CHRM5: variants seen among roughly 807,000 people sequenced by gnomAD.
CHRM5 encodes the protein muscarinic acetylcholine receptor M5.
CHRM5 carries 18 observed loss-of-function variants against 39.0 expected under a neutral mutation model. The observed-to-expected ratio is 0.46, with a 90% CI of 0.32 to 0.68. The LOEUF (loss-of-function observed/expected upper bound fraction) is 0.68, where lower values mean the gene tolerates loss of function less well. CHRM5 is among the 30% of genes least tolerant of loss of function. The pLI is 0.04. For synonymous variants in CHRM5, 241 were observed against 246.3 expected (o/e 0.98, Z 0.20); for missense variants, 515 against 651.1 (o/e 0.79, Z 2.28).
chr15:33,975,305 T>C (rs923794574), intron 1 of CHRM5, among the ~76,000 whole-genome samples: 2 of 152,204 alleles, frequency 1.3e-5, no homozygotes, highest in Non-Finnish European at 2.9e-5. Context: ...TACTCTAACC[T>C]AAAACTCCTG....
chr15:34,056,144 G>C (rs994190558), intron 2 of CHRM5, among the ~76,000 whole-genome samples: 1 of 152,202 alleles, frequency 6.6e-6, no homozygotes, highest in African/African-American at 2.4e-5. Flanking sequence ...GTTAAGAATA[G>C]AAGAAAGTTG....
intron 1 of CHRM5, among the ~76,000 whole-genome samples, chr15:33,994,515 T>C (rs1275920261): frequency 6.6e-6 from 1 of 152,222 alleles, no homozygotes; most frequent in African/African-American, 2.4e-5. Context: ...ATCCTCACCC[T>C]GGTCTGTGGA....
chr15:33,980,023 G>GA (rs1185959987), intron 1 of CHRM5, among the ~76,000 whole-genome samples: 2 of 151,640 alleles, frequency 1.3e-5, no homozygotes, highest in Non-Finnish European at 2.9e-5. Flanking sequence ...GATTGTAAAG[G>GA]AAAAAAAAGA....
chr15:34,029,118 C>T (rs1225598547), intron 1 of CHRM5, among the ~76,000 whole-genome samples: 2 of 152,254 alleles, frequency 1.3e-5, no homozygotes, highest in East Asian at 3.9e-4. Context: ...CATTCTCAGG[C>T]TTCCACAGCA....
At chr15:34,058,555 AACACACACACACACAC>A (rs3027963) in intron 2 of CHRM5, among the ~76,000 whole-genome samples, 3 of 143,178 alleles carry the variant, frequency 2.1e-5, no homozygotes, top group African/African-American at 5.2e-5. Flanking sequence ...CTTTAATTCT[AACACACACACACACAC>A]ACACACACAC....
chr15:33,978,653 ACT>A (rs1180505704), intron 1 of CHRM5, among the ~76,000 whole-genome samples: 1 of 151,970 alleles, frequency 6.6e-6, no homozygotes, highest in African/African-American at 2.4e-5. Context: ...ACAGAGTGAG[ACT>A]CTGTTTCAAA....
intron 1 of CHRM5, among the ~76,000 whole-genome samples, chr15:33,992,661 G>C (rs989374988): frequency 3.5e-4 from 1 of 2,828 alleles, no homozygotes; most frequent in African/African-American, 4.5e-4. Context: ...TACCATACAA[G>C]AAGAGGGAAA....
chr15:33,976,028 T>C (rs1895872021), intron 1 of CHRM5, among the ~76,000 whole-genome samples: 1 of 152,198 alleles, frequency 6.6e-6, no homozygotes, highest in Non-Finnish European at 1.5e-5. Context: ...TTGTCCTGAG[T>C]TGTTTCCAGG....
chr15:34,057,218 C>T (rs668922), intron 2 of CHRM5, among the ~76,000 whole-genome samples: 95,158 of 150,284 alleles, frequency 0.63, 31,905 homozygotes, highest in South Asian at 0.77. Flanking sequence ...ACTGCAGCAA[C>T]CTCGGCTTCC....
intron 1 of CHRM5, among the ~76,000 whole-genome samples, chr15:34,013,157 G>T (rs1224491620): frequency 6.6e-6 from 1 of 152,104 alleles, no homozygotes; most frequent in African/African-American, 2.4e-5. Flanking sequence ...TGCCTCCTGG[G>T]TTCAAGCGAT....
At chr15:34,060,877 G>C (rs1900310717) in intron 2 of CHRM5, among the ~76,000 whole-genome samples, 1 of 151,974 alleles carries the variant, frequency 6.6e-6, no homozygotes. Context: ...TTAGCCGGGC[G>C]TGGTGGCAGG....
chr15:34,000,516 A>G (rs966226433), intron 1 of CHRM5, among the ~76,000 whole-genome samples: 11 of 152,340 alleles, frequency 7.2e-5, no homozygotes, highest in Admixed American at 1.3e-4. Context: ...AAAGTTTATG[A>G]TTGCACACCT....
intron 1 of CHRM5, among the ~76,000 whole-genome samples, chr15:34,021,577 G>A (rs55805034): frequency 0.48 from 72,517 of 152,082 alleles, 20,686 homozygotes; most frequent in Non-Finnish European, 0.64. Flanking sequence ...ACACATGGCC[G>A]TGTAAGGTGG....
chr15:33,990,503 C>G (rs7184003), intron 1 of CHRM5, among the ~76,000 whole-genome samples: 33,519 of 152,200 alleles, frequency 0.22, 4,203 homozygotes, highest in Middle Eastern at 0.41. Context: ...TGGAATACAA[C>G]TTAAACTCAG....
intron 1 of CHRM5, among the ~76,000 whole-genome samples, chr15:33,998,945 G>A (rs575428049): frequency 6.6e-6 from 1 of 152,250 alleles, no homozygotes; most frequent in South Asian, 2.1e-4. Context: ...TCACCCAAAT[G>A]TATTATTGCC....
chr15:34,063,012 G>A lies in CHRM5; in HGVS notation c.295G>A (p.Gly99Arg), dbSNP rs1567494122. 1.2e-6 allele frequency: 2 copies of A among 1,614,168 alleles called. No individual in the cohort carries two copies. The highest frequency in any genetic ancestry group is 2.2e-5 in the East Asian group (1 of 44,882). Residue 99 changes from glycine (G) to arginine (R), a missense_variant, in exon 3 of 3, where the codon GGG becomes AGG. Coordinates refer to ENST00000383263, the MANE Select transcript of CHRM5 (RefSeq NM_012125.4). This position sits in a 1 kb window ranked among gnomAD's most constrained non-coding sequence, Gnocchi z 4.1. ...TYILMGRWAL[G>R]SLACDLWLAL... The stretch of plus-strand genomic sequence containing the variant: ...CATCCTCATGGGACGCTGGGCTCTC[G>A]GGAGTCTGGCTTGTGACCTTTGGCT...
chr15:34,002,767 G>A (rs1046218031), intron 1 of CHRM5, among the ~76,000 whole-genome samples: 1 of 152,140 alleles, frequency 6.6e-6, no homozygotes, highest in Non-Finnish European at 1.5e-5. Context: ...ACAGCAGCAT[G>A]GCTCAGCTTT....
At chr15:34,053,843 T>C (rs1438709480) in intron 2 of CHRM5, among the ~76,000 whole-genome samples, 1 of 151,984 alleles carries the variant, frequency 6.6e-6, no homozygotes, top group African/African-American at 2.4e-5. Flanking sequence ...CTAATTAAAC[T>C]AAAGAGCCTC....
intron 1 of CHRM5, among the ~76,000 whole-genome samples, chr15:34,021,571 A>G (rs1898201744): frequency 6.6e-6 from 1 of 152,232 alleles, no homozygotes; most frequent in Admixed American, 6.5e-5. Context: ...GCACTTACAC[A>G]TGGCCGTGTA....
Sources: allele counts gnomAD v4.1 joint callset (sites outside exome capture counted in the v4.1 genomes callset), GRCh38; gene constraint gnomAD v4.1.1; non-coding constraint Gnocchi (gnomAD v3.1); transcripts MANE v1.5; gene names NCBI Gene and HGNC (gene_info 2026-07-23, HGNC 2026-07-21).